PPP2R2C: variants seen among roughly 807,000 people sequenced by gnomAD.
PPP2R2C encodes protein phosphatase 2 regulatory subunit Bgamma, also known as protein phosphatase 2, regulatory subunit B, gamma.
Under a neutral mutation model 45.3 loss-of-function variants are expected in PPP2R2C, and 10 were observed. That is an observed-to-expected ratio of 0.22 (90% CI 0.14 to 0.37). The LOEUF is 0.37. Among genes scored for constraint, PPP2R2C ranks in the 10% least tolerant of loss-of-function variants. The probability of loss-of-function intolerance (pLI) is 1.00; values close to 1 mark genes in which losing one functional copy is unlikely to be tolerated. For missense variants in PPP2R2C, 308 were observed against 619.7 expected, an observed-to-expected ratio of 0.50 and a Z score of 5.34; for synonymous variants, 257 against 245.4, an observed-to-expected ratio of 1.05 and a Z score of -0.44.
rs77363295 is a variant in PPP2R2C at position 6,388,452 on chromosome 4, A to T, written c.71-7358T>A. The stretch of plus-strand genomic sequence containing the variant: ...ACTTATTTGGAAATAGAGTCTTTGC[A>T]GATGATCAAGTTAAGGTGCGGTCAT... On this transcript the variant is annotated intron_variant, in intron 1 of 8. Coordinates refer to ENST00000382599, the MANE Select transcript of PPP2R2C (RefSeq NM_020416.4). Among the ~76,000 whole-genome samples, 325 of 152,354 alleles carry T rather than the reference A, an allele frequency of 2.1e-3. 2 individuals are homozygous for T. Among genetic ancestry groups the T allele is most frequent in the Non-Finnish European group, 2.9e-3 (200 of 68,026 alleles).
chr4:6,510,310 T>G lies in PPP2R2C; in HGVS notation c.49+24961A>C, dbSNP rs183360864. Among the ~76,000 whole-genome samples the G allele has an allele frequency of 2.1e-3, 313 of 150,750 alleles. No homozygotes were observed. In the Middle Eastern group the frequency reaches 0.024, roughly 11 times the overall value. The stretch of plus-strand genomic sequence containing the variant: ...TGTCCCTGGAGCAAGGCTGACCAGC[T>G]GGGCACTTACCATCCCTTTCCCTGA... On this transcript the variant is annotated intron_variant, in intron 2 of 9. Transcript: ENST00000506140.
chr4:6,529,941 G>A (rs771103597), intron 2 of PPP2R2C, among the ~76,000 whole-genome samples: 2 of 152,124 alleles, frequency 1.3e-5, no homozygotes, highest in Non-Finnish European at 2.9e-5. Context: ...GAGCGCACGA[G>A]TGACGGAGCC....
chr4:6,535,683 C>G (rs747010768), intron 1 of PPP2R2C, among the ~76,000 whole-genome samples: 1 of 152,238 alleles, frequency 6.6e-6, no homozygotes, highest in Admixed American at 6.5e-5. Flanking sequence ...TCAAACTTCA[C>G]CCCGCAGCAG....
intron 4 of PPP2R2C, among the ~76,000 whole-genome samples, chr4:6,374,049 T>C (rs375715306): frequency 6.6e-5 from 10 of 151,636 alleles, no homozygotes; most frequent in African/African-American, 2.4e-4. Context: ...CTCCAAGGCA[T>C]CCTCCCTGCA....
intron 1 of PPP2R2C, among the ~76,000 whole-genome samples, chr4:6,388,936 C>G (rs1468621739): frequency 1.3e-5 from 2 of 152,148 alleles, no homozygotes; most frequent in Non-Finnish European, 2.9e-5. Flanking sequence ...CAGGCTCCAG[C>G]CCCCGAGAAC....
At chr4:6,466,037 C>A (rs949117345) in intron 1 of PPP2R2C, among the ~76,000 whole-genome samples, 3 of 152,208 alleles carry the variant, frequency 2.0e-5, no homozygotes, top group African/African-American at 4.8e-5. Flanking sequence ...AGGGTTCCTG[C>A]GTCATTCATG....
intron 5 of PPP2R2C, among the ~76,000 whole-genome samples, chr4:6,357,669 G>T (rs968249874): frequency 6.6e-6 from 1 of 152,198 alleles, no homozygotes; most frequent in East Asian, 1.9e-4. Context: ...AGCCCTGGAG[G>T]GACAGGTGGG....
intron 2 of PPP2R2C, among the ~76,000 whole-genome samples, chr4:6,499,445 C>A (rs1350387083): frequency 6.6e-6 from 1 of 152,182 alleles, no homozygotes; most frequent in African/African-American, 2.4e-5. Flanking sequence ...TACCTCTGGA[C>A]CTTCACACCT....
chr4:6,455,946 G>A (rs1032186227), intron 1 of PPP2R2C, among the ~76,000 whole-genome samples: 14 of 152,056 alleles, frequency 9.2e-5, no homozygotes, highest in South Asian at 2.1e-4. Context: ...CCCTCACACC[G>A]GATCACAGCC....
At chr4:6,515,538 T>C (rs1356623291) in intron 2 of PPP2R2C, among the ~76,000 whole-genome samples, 1 of 152,230 alleles carries the variant, frequency 6.6e-6, no homozygotes, top group Admixed American at 6.5e-5. Flanking sequence ...AACCACAGAG[T>C]ACTCACCTCA....
chr4:6,356,052 G>C (rs933336295), intron 5 of PPP2R2C, among the ~76,000 whole-genome samples: 5 of 148,826 alleles, frequency 3.4e-5, no homozygotes, highest in Non-Finnish European at 3.0e-5. Context: ...CACACGTGCT[G>C]CGGGTCCAGT....
rs1181399159 is a variant in PPP2R2C at position 6,324,969 on chromosome 4, G to C, written c.1053-1376C>G. Among the ~76,000 whole-genome samples, 3 of 152,188 alleles carry C rather than the reference G, an allele frequency of 2.0e-5. No homozygotes were observed. Among genetic ancestry groups the C allele is most frequent in the Non-Finnish European group, 4.4e-5 (3 of 68,040 alleles). On this transcript the variant is annotated intron_variant, in intron 8 of 8. Transcript: ENST00000382599. This position sits in a 1 kb window ranked among gnomAD's most constrained non-coding sequence, Gnocchi z 4.1. ...GAAGGCTCTTCAGGGAGGAAATCCT[G>C]TTTCCTTTTGGAAGCTGAGCTGGGC...
chr4:6,518,847 C>T (rs747902563), intron 2 of PPP2R2C, among the ~76,000 whole-genome samples: 11 of 143,398 alleles, frequency 7.7e-5, no homozygotes, highest in Admixed American at 1.5e-4. Flanking sequence ...TGTTTGAACC[C>T]GAGAGGTGGA....
chr4:6,512,411 T>G (rs1459830576), intron 2 of PPP2R2C, among the ~76,000 whole-genome samples: 6 of 131,706 alleles, frequency 4.6e-5, no homozygotes, highest in African/African-American at 8.5e-5. Context: ...GTGATGGTGG[T>G]GGTGGTGATG....
intron 1 of PPP2R2C, among the ~76,000 whole-genome samples, chr4:6,470,778 C>G (rs1721828067): frequency 6.6e-6 from 1 of 152,190 alleles, no homozygotes; most frequent in Non-Finnish European, 1.5e-5. Context: ...GCGGCCGGGT[C>G]AGAGCCCCAC....
At chr4:6,434,432 C>G (rs1719793638) in intron 1 of PPP2R2C, among the ~76,000 whole-genome samples, 1 of 142,674 alleles carries the variant, frequency 7.0e-6, no homozygotes, top group African/African-American at 2.6e-5. Flanking sequence ...GATCTCGGCT[C>G]ACTGCAACTT....
chr4:6,431,667 A>T (rs1719629663), intron 1 of PPP2R2C, among the ~76,000 whole-genome samples: 1 of 152,106 alleles, frequency 6.6e-6, no homozygotes, highest in Admixed American at 6.5e-5. Flanking sequence ...TTCCTTGATA[A>T]ACCACTTATA....
At chr4:6,535,706 A>C (rs1724585816) in intron 1 of PPP2R2C, among the ~76,000 whole-genome samples, 1 of 152,166 alleles carries the variant, frequency 6.6e-6, no homozygotes, top group African/African-American at 2.4e-5. Flanking sequence ...ATTTCCCCAC[A>C]GCCTACGAAA....
intron 6 of PPP2R2C, among the ~76,000 whole-genome samples, chr4:6,338,426 G>A (rs868705164): frequency 1.3e-5 from 2 of 152,212 alleles, no homozygotes; most frequent in South Asian, 4.1e-4. Flanking sequence ...GGCCAAGGTG[G>A]AGGGGACCTG....
Sources: gnomAD v4.1 joint callset for allele counts (sites outside exome capture counted in the v4.1 genomes callset) on GRCh38, gnomAD v4.1.1 for gene constraint, Gnocchi (gnomAD v3.1) non-coding constraint, MANE v1.5 for transcripts, NCBI Gene and HGNC (gene_info 2026-07-23, HGNC 2026-07-21) for gene names.